Variants in PIGB observed in about 807,000 individuals in gnomAD.
PIGB encodes phosphatidylinositol glycan anchor biosynthesis class B.
PIGB carries 58 observed loss-of-function variants against 68.4 expected under a neutral mutation model. The observed-to-expected ratio is 0.85, with a 90% CI of 0.69 to 1.06. The LOEUF (loss-of-function observed/expected upper bound fraction) is 1.06, where lower values mean the gene tolerates loss of function less well. PIGB is among the 50% of genes least tolerant of loss of function. The pLI is 0.00. For missense variants in PIGB, 634 were observed against 655.8 expected (o/e 0.97, Z 0.36); for synonymous variants, 219 against 220.5 (o/e 0.99, Z 0.06).
chr15:55,323,673 C>T (rs980965932), intron 3 of PIGB, among the ~76,000 whole-genome samples: 2 of 151,944 alleles, frequency 1.3e-5, no homozygotes, highest in Admixed American at 6.6e-5. Flanking sequence ...AATGATGATG[C>T]CTTAGATATA....
In PIGB at chr15:55,353,092, C is replaced by A. The variant is rs150032476; in HGVS notation, c.1338-1706C>A. Among the ~76,000 whole-genome samples, 748 of 152,236 alleles carry A rather than the reference C, an allele frequency of 4.9e-3. 5 individuals are homozygous for A. The highest frequency in any genetic ancestry group is 8.4e-3 in the Admixed American group (128 of 15,298). ...ACATTAGGGATAATACTGAGGAGAA[C>A]AGGAATCCTAGATGTACCAAGATGT... On this transcript the variant is annotated intron_variant, in intron 10 of 11. Coordinates refer to ENST00000164305, the MANE Select transcript of PIGB (RefSeq NM_004855.5).
intron 7 of PIGB, among the ~76,000 whole-genome samples, chr15:55,339,564 G>A (rs777087776): frequency 3.9e-5 from 6 of 152,176 alleles, no homozygotes; most frequent in Non-Finnish European, 8.8e-5. Context: ...GTTACCTGTT[G>A]CTGTTTCTGT....
chr15:55,327,232 ATATT>A (rs1268564904), intron 3 of PIGB, among the ~76,000 whole-genome samples: 1 of 147,376 alleles, frequency 6.8e-6, no homozygotes, highest in Non-Finnish European at 1.5e-5. Context: ...ATATATATTT[ATATT>A]TATAATATAT....
At chr15:55,324,673 C>T (rs1006225122) in intron 3 of PIGB, 2 of 218,766 alleles carry the variant, frequency 9.1e-6, no homozygotes, top group Non-Finnish European at 1.5e-5. Flanking sequence ...CATTAACTTA[C>T]ATTTCTCAGA....
chr15:55,327,485 C>T (rs750749950), intron 3 of PIGB, 46 bp from the exon 4 acceptor site: 10 of 1,266,770 alleles, frequency 7.9e-6, no homozygotes, highest in Non-Finnish European at 1.0e-5. Context: ...TCAGTTTGAA[C>T]CAACAGATAT....
At chr15:55,340,854 T>A (rs763274574) in intron 8 of PIGB, 31 bp downstream of exon 8, 1 of 1,322,216 alleles carries the variant, frequency 7.6e-7, no homozygotes. Flanking sequence ...AAGGCTAAAA[T>A]TTTTTATGTT....
chr15:55,355,494 G>A lies in PIGB; in HGVS notation c.*62G>A. 1 of 1,327,940 alleles carries A rather than the reference G, an allele frequency of 7.5e-7. No homozygotes were observed. Among genetic ancestry groups the A allele is most frequent in the Non-Finnish European group, 1.1e-6 (1 of 950,696 alleles). 82.3% of individuals were successfully genotyped at this position (1,327,940 alleles called of 1,614,324 possible). A position where few individuals can be genotyped will look rare whatever the true frequency, so the allele number is the denominator to read the frequency against. ...ATTCAGATGCTGCTTAAATACTTCG[G>A]TAAACACTGGGTAAGATTCATGGAA... On this transcript the variant is annotated 3_prime_UTR_variant, in exon 12 of 12. Coordinates refer to ENST00000164305, the MANE Select transcript of PIGB (RefSeq NM_004855.5).
At chr15:55,321,640 T>G (rs1182455805) in intron 3 of PIGB, among the ~76,000 whole-genome samples, 1 of 144,174 alleles carries the variant, frequency 6.9e-6, no homozygotes, top group East Asian at 2.2e-4. Context: ...AGAAGTATAC[T>G]TCTTTCTTTT....
chr15:55,333,673 C>T (rs1001784868), intron 5 of PIGB, among the ~76,000 whole-genome samples, 194 bp from the exon 6 acceptor site: 3 of 151,954 alleles, frequency 2.0e-5, no homozygotes, highest in African/African-American at 7.3e-5. Context: ...CAGAAGTTGC[C>T]GTGAGCCAAG....
chr15:55,343,412 A>T (rs2055717044), intron 9 of PIGB: 1 of 152,220 alleles, frequency 6.6e-6, no homozygotes, highest in Non-Finnish European at 1.5e-5. Context: ...TAAATCAAGC[A>T]TTGGCAGAGT....
intron 6 of PIGB, among the ~76,000 whole-genome samples, chr15:55,337,674 C>T (rs1163278116): frequency 5.1e-4 from 78 of 152,118 alleles, no homozygotes; most frequent in Admixed American, 5.1e-3. Context: ...CAATTCCAAT[C>T]CTAGGTATAT....
intron 6 of PIGB, among the ~76,000 whole-genome samples, chr15:55,336,340 G>C (rs2055535739): frequency 6.6e-6 from 1 of 152,114 alleles, no homozygotes; most frequent in Admixed American, 6.6e-5. Flanking sequence ...AGTGAGCTAT[G>C]ATCATTCCAC....
At chr15:55,324,736 T>C (rs2055241423) in intron 3 of PIGB, 2 of 778,198 alleles carry the variant, frequency 2.6e-6, no homozygotes, top group South Asian at 5.9e-5. Flanking sequence ...TTGGCTCATA[T>C]TAAGTTTGTA....
intron 9 of PIGB, chr15:55,350,300 T>C (rs2055893220): frequency 5.7e-6 from 1 of 176,078 alleles, no homozygotes; most frequent in Admixed American, 5.5e-5. Context: ...ATTAAAGAGG[T>C]AGGTAAATGG....
chr15:55,337,887 C>G (rs1474162360), intron 6 of PIGB, among the ~76,000 whole-genome samples: 1 of 152,138 alleles, frequency 6.6e-6, no homozygotes, highest in Non-Finnish European at 1.5e-5. Flanking sequence ...ATCTCACAAG[C>G]ACAATGACTA....
intron 3 of PIGB, chr15:55,324,980 T>A: frequency 4.9e-6 from 1 of 203,844 alleles, no homozygotes; most frequent in Non-Finnish European, 8.7e-6. Flanking sequence ...CACTGACAAC[T>A]AAAAGTAAAG....
At chr15:55,340,883 AT>A in intron 8 of PIGB, 60 bp downstream of exon 8, 1 of 1,112,238 alleles carries the variant, frequency 9.0e-7, no homozygotes, top group African/African-American at 1.6e-5. Flanking sequence ...ATCAAATTAA[AT>A]TCTTCAAAAA....
In PIGB at chr15:55,320,364, G is replaced by C. The variant is rs1743763786; in HGVS notation, c.253G>C (p.Asp85His). Residue 85 changes from aspartate to histidine, a missense_variant, in exon 2 of 12, where the codon GAT becomes CAT. Transcript: ENST00000164305. Reference protein sequence around the residue: ...CFLVQTSFVPDEYWQSLEVSH... With the variant: ...CFLVQTSFVPHEYWQSLEVSH... ...TTTAGTGCAGACAAGTTTTGTTCCA[G>C]ATGAATACTGGCAGTCTCTTGAAGT... The C allele has an allele frequency of 6.2e-7, 1 of 1,613,658 alleles. No homozygotes were observed. Among genetic ancestry groups the C allele is most frequent in the Non-Finnish European group, 8.5e-7 (1 of 1,179,684 alleles).
At chr15:55,343,583 T>C (rs898193750) in intron 9 of PIGB, 1 of 152,216 alleles carries the variant, frequency 6.6e-6, no homozygotes, top group African/African-American at 2.4e-5. Context: ...TGAATCCTCA[T>C]TGCCAGTCTA....
Sources: allele counts gnomAD v4.1 joint callset (sites outside exome capture counted in the v4.1 genomes callset), GRCh38; gene constraint gnomAD v4.1.1; transcripts MANE v1.5; gene names NCBI Gene and HGNC (gene_info 2026-07-23, HGNC 2026-07-21).